Variants in ECM2 observed in about 807,000 individuals in gnomAD.
The protein encoded by ECM2 is extracellular matrix protein 2, female organ and adipocyte specific.
A neutral mutation model predicts 67.5 loss-of-function variants in ECM2; 57 were observed. That is an observed-to-expected ratio of 0.84 (90% CI 0.68 to 1.05). The LOEUF (loss-of-function observed/expected upper bound fraction) is 1.05. Ranked by LOEUF, ECM2 falls within the 50% of genes least tolerant of loss-of-function variation. The pLI is 0.00. For synonymous variants in ECM2, 258 were observed against 294.5 expected (o/e 0.88, Z 1.27); for missense variants, 741 against 822.8 (o/e 0.90, Z 1.22).
intron 1 of ECM2, among the ~76,000 whole-genome samples, chr9:92,524,502 A>C (rs1298138534): frequency 2.6e-5 from 4 of 152,170 alleles, no homozygotes; most frequent in Non-Finnish European, 5.9e-5. Context: ...CTCTTGGCCT[A>C]AAGTTAGTCC....
chr9:92,510,131 C>T, intron 5 of ECM2, 97 bp from the exon 6 acceptor site: 1 of 1,390,526 alleles, frequency 7.2e-7, no homozygotes, highest in Non-Finnish European at 9.6e-7. Flanking sequence ...ACAAACCTAT[C>T]CTTCCTTAGG....
chr9:92,547,109 G>A, the ECM2 span, among the ~76,000 whole-genome samples: 1 of 152,142 alleles, frequency 6.6e-6, no homozygotes, highest in African/African-American at 2.4e-5. Context: ...AGAACTAGCG[G>A]CGTAAGTGTA....
chr9:92,558,010 A>G, the ECM2 span, among the ~76,000 whole-genome samples: 1 of 151,930 alleles, frequency 6.6e-6, no homozygotes, highest in Admixed American at 6.6e-5. Context: ...TCTTTAAGCT[A>G]TCTATTTCAT....
chr9:92,558,050 A>AT, the ECM2 span, among the ~76,000 whole-genome samples: 188 of 151,824 alleles, frequency 1.2e-3, 3 homozygotes, highest in East Asian at 0.034. Flanking sequence ...TTCTTGTATC[A>AT]TTTTTTTGGA....
intron 7 of ECM2, among the ~76,000 whole-genome samples, chr9:92,503,820 C>T (rs1020390434): frequency 6.6e-6 from 1 of 152,190 alleles, no homozygotes; most frequent in African/African-American, 2.4e-5. Context: ...CAGTAAGAGA[C>T]TAGTCAAATA....
the ECM2 span, among the ~76,000 whole-genome samples, chr9:92,556,711 A>G: frequency 1.3e-5 from 2 of 151,976 alleles, no homozygotes; most frequent in Non-Finnish European, 2.9e-5. Context: ...CTTTACTTTA[A>G]GTGTATGTGA....
upstream of ECM2, among the ~76,000 whole-genome samples, chr9:92,538,001 A>C (rs1248665605): frequency 6.6e-6 from 1 of 152,180 alleles, no homozygotes; most frequent in Non-Finnish European, 1.5e-5. Context: ...TGTGTTGGCC[A>C]GTGTGTAGGG....
Position 92,531,117 on chromosome 9 carries a change from A to G in ECM2, c.-28+4816T>C, listed in dbSNP as rs752361369. Among the ~76,000 whole-genome samples, 40 of 152,072 alleles carry G rather than the reference A, an allele frequency of 2.6e-4. 1 individual carries two copies. Among genetic ancestry groups the G allele is most frequent in the Non-Finnish European group, 4.3e-4 (29 of 67,990 alleles). On this transcript the variant is annotated intron_variant, in intron 1 of 9. Transcript: ENST00000344604. ...TTTAATTGGAACATTTAGGCTGTTT[A>G]TATTTAATGTAAAATTTAATGTTTG...
At chr9:92,543,518 A>G in the ECM2 span, among the ~76,000 whole-genome samples, 1 of 147,488 alleles carries the variant, frequency 6.8e-6, no homozygotes, top group Non-Finnish European at 1.5e-5. Context: ...TTAGCTATTC[A>G]GGGTCTTTTG....
At chr9:92,529,334 G>A (rs922863648) in intron 1 of ECM2, among the ~76,000 whole-genome samples, 1 of 152,190 alleles carries the variant, frequency 6.6e-6, no homozygotes, top group African/African-American at 2.4e-5. Flanking sequence ...TGGAGCAACT[G>A]TAAGTCTCAT....
chr9:92,547,096 T>G, the ECM2 span, among the ~76,000 whole-genome samples: 1 of 152,192 alleles, frequency 6.6e-6, no homozygotes, highest in Admixed American at 6.5e-5. Context: ...CTGGGTTTAT[T>G]CAAGAACTAG....
At chr9:92,528,299 G>A (rs1373754218) in intron 1 of ECM2, among the ~76,000 whole-genome samples, 1 of 152,172 alleles carries the variant, frequency 6.6e-6, no homozygotes, top group African/African-American at 2.4e-5. Flanking sequence ...TCCCTCAAGG[G>A]AGTTGCAGTG....
chr9:92,543,809 T>C, the ECM2 span, among the ~76,000 whole-genome samples: 2 of 152,194 alleles, frequency 1.3e-5, no homozygotes, highest in Non-Finnish European at 2.9e-5. Context: ...ACGTATCTAT[T>C]GTAAATTTTC....
At chr9:92,494,083 C>A, downstream of ECM2, 1 of 1,597,426 alleles carries the variant, frequency 6.3e-7, no homozygotes, top group Middle Eastern at 1.7e-4. Flanking sequence ...CTTATTGCCT[C>A]TACCAGAGAG....
intron 6 of ECM2, among the ~76,000 whole-genome samples, chr9:92,506,143 G>T (rs1270582535): frequency 1.3e-5 from 2 of 152,216 alleles, no homozygotes; most frequent in African/African-American, 4.8e-5. Context: ...AGGCAATGGG[G>T]TGGGTAGAAG....
At chr9:92,554,608 T>C in the ECM2 span, among the ~76,000 whole-genome samples, 1 of 152,188 alleles carries the variant, frequency 6.6e-6, no homozygotes, top group East Asian at 1.9e-4. Flanking sequence ...TGTTGTTGGA[T>C]TCTATTAGCT....
chr9:92,522,791 G>A lies in ECM2; in HGVS notation c.76C>T (p.Pro26Ser). Reference sequence around the variant, plus strand: ...TAGATCTTCCTCCTTTGCTTCCTAGGAATTTCTTCATTTTTTCCAAAGTCA... The same window carrying A: ...TAGATCTTCCTCCTTTGCTTCCTAGAAATTTCTTCATTTTTTCCAAAGTCA... ...QTDFGKNEEI[P>S]RKQRRKIYHR... is the part of the protein sequence containing the mutation. Residue 26 changes from proline (P) to serine (S), a missense_variant, in exon 2 of 10, where the codon CCT becomes TCT. Pro to Ser is a moderately conservative substitution (Grantham distance 74). Transcript: ENST00000344604. 3 of 1,613,408 alleles carry A rather than the reference G, an allele frequency of 1.9e-6. No individual in the cohort carries two copies. Among genetic ancestry groups the A allele is most frequent in the Middle Eastern group, 3.3e-4 (2 of 6,060 alleles).
At chr9:92,535,588 T>G (rs888412453) in intron 1 of ECM2, among the ~76,000 whole-genome samples, 1 of 152,262 alleles carries the variant, frequency 6.6e-6, no homozygotes, top group African/African-American at 2.4e-5. Flanking sequence ...GTCTATTATC[T>G]ATTTTCACTT....
the ECM2 span, among the ~76,000 whole-genome samples, chr9:92,552,511 T>C: frequency 6.6e-6 from 1 of 152,098 alleles, no homozygotes; most frequent in Non-Finnish European, 1.5e-5. Flanking sequence ...CATCTACTGT[T>C]TTTTGATTTT....
Sources: gnomAD v4.1 joint callset for allele counts (sites outside exome capture counted in the v4.1 genomes callset) on GRCh38, gnomAD v4.1.1 for gene constraint, MANE v1.5 for transcripts, NCBI Gene and HGNC (gene_info 2026-07-23, HGNC 2026-07-21) for gene names.